DCC: variants seen among roughly 807,000 people sequenced by gnomAD.
DCC encodes the protein netrin receptor DCC.
Under a neutral mutation model 172.5 loss-of-function variants are expected in DCC, and 58 were observed. The ratio of observed to expected loss-of-function variants is 0.34; its 90% CI spans 0.27 to 0.42. DCC has a LOEUF of 0.42. Among genes scored for constraint, DCC ranks in the 10% least tolerant of loss-of-function variants. DCC has a pLI of 1.00. For synonymous variants in DCC, 709 were observed against 644.5 expected (o/e 1.10, Z -1.52); for missense variants, 1,740 against 1,791.0 (o/e 0.97, Z 0.51).
At chr18:52,694,940 A>C (rs1447699790) in intron 1 of DCC, among the ~76,000 whole-genome samples, 3 of 152,206 alleles carry the variant, frequency 2.0e-5, no homozygotes, top group Non-Finnish European at 4.4e-5. Flanking sequence ...TAGAGCAGAT[A>C]AAGGATGCTC....
intron 9 of DCC, among the ~76,000 whole-genome samples, chr18:53,191,406 G>A (rs9304439): frequency 0.55 from 84,277 of 151,974 alleles, 24,741 homozygotes; most frequent in African/African-American, 0.71. Flanking sequence ...AATATGTTTT[G>A]TATTTTCTTT....
At chr18:52,712,571 A>G (rs2036311159) in intron 1 of DCC, among the ~76,000 whole-genome samples, 1 of 152,204 alleles carries the variant, frequency 6.6e-6, no homozygotes, top group African/African-American at 2.4e-5. Context: ...ATTCCATGCA[A>G]GAATCTTGAA....
chr18:53,067,952 G>C lies in DCC; in HGVS notation c.1261+1786G>C, dbSNP rs140732580. The stretch of plus-strand genomic sequence containing the variant: ...GCCAGTTAGCTGAAGATTCACAGCA[G>C]TGCTCACAAAGATGACTTTCTCCTA... On this transcript the variant is annotated intron_variant, in intron 7 of 28. Coordinates refer to ENST00000442544, the MANE Select transcript of DCC (RefSeq NM_005215.4). Among the ~76,000 whole-genome samples the C allele has an allele frequency of 4.6e-5, 7 of 152,284 alleles. No individual in the cohort carries two copies. The East Asian group carries it at 7.7e-4, about 17-fold the overall frequency.
chr18:52,446,889 C>G (rs186600097), intron 1 of DCC, among the ~76,000 whole-genome samples: 1 of 152,168 alleles, frequency 6.6e-6, no homozygotes, highest in Non-Finnish European at 1.5e-5. Context: ...ATATTACATT[C>G]GGCATAATGC....
At chr18:53,148,774 G>GACGACGTAC (rs1387061394) in intron 7 of DCC, among the ~76,000 whole-genome samples, 2 of 151,690 alleles carry the variant, frequency 1.3e-5, no homozygotes, top group Non-Finnish European at 2.9e-5. Flanking sequence ...ATGTACAAGT[G>GACGACGTAC]ACGACGTACT....
chr18:53,298,010 A>T (rs1393838367), intron 12 of DCC, among the ~76,000 whole-genome samples: 1 of 152,196 alleles, frequency 6.6e-6, no homozygotes, highest in Non-Finnish European at 1.5e-5. Context: ...ATAACTGATT[A>T]TATTAATTAA....
intron 1 of DCC, among the ~76,000 whole-genome samples, chr18:52,580,902 C>G (rs2033528849): frequency 6.6e-6 from 1 of 152,198 alleles, no homozygotes; most frequent in South Asian, 2.1e-4. Context: ...GATTAGCTAT[C>G]AGTAGTCTTT....
In DCC at chr18:52,814,980, A is replaced by G. The variant is rs1246791308; in HGVS notation, c.412+62606A>G. The stretch of plus-strand genomic sequence containing the variant: ...ATGGGTCATTCAAATGTGGTGACTC[A>G]TTATAAATGGATGGAGAGAAATCAA... On this transcript the variant is annotated intron_variant, in intron 2 of 28. Coordinates refer to ENST00000442544, the MANE Select transcript of DCC (RefSeq NM_005215.4). Among the ~76,000 whole-genome samples the G allele has an allele frequency of 2.0e-5, 3 of 152,320 alleles. No homozygotes were observed. The East Asian group carries it at 5.8e-4, about 29-fold the overall frequency.
intron 1 of DCC, among the ~76,000 whole-genome samples, chr18:52,439,557 T>C (rs531518539): frequency 6.6e-6 from 1 of 152,206 alleles, no homozygotes; most frequent in Non-Finnish European, 1.5e-5. Flanking sequence ...TATGAAAGGA[T>C]TGAGGTTGTG....
chr18:53,243,138 T>C (rs1261783083), intron 12 of DCC, among the ~76,000 whole-genome samples: 1 of 152,176 alleles, frequency 6.6e-6, no homozygotes, highest in African/African-American at 2.4e-5. Context: ...TATTTTGGTT[T>C]ATGTGGCATA....
At chr18:53,340,972 C>T (rs1009161999) in intron 15 of DCC, among the ~76,000 whole-genome samples, 3 of 152,168 alleles carry the variant, frequency 2.0e-5, no homozygotes, top group Admixed American at 1.3e-4. Context: ...GAAAATTGCA[C>T]TGACCCATTC....
chr18:52,969,391 G>A (rs1242320248), intron 5 of DCC, among the ~76,000 whole-genome samples: 3 of 152,084 alleles, frequency 2.0e-5, no homozygotes, highest in African/African-American at 7.2e-5. Context: ...AATTACCGAA[G>A]TAGAAACCTG....
At chr18:52,369,134 G>T (rs1288100873) in intron 1 of DCC, among the ~76,000 whole-genome samples, 1 of 152,154 alleles carries the variant, frequency 6.6e-6, no homozygotes, top group East Asian at 1.9e-4. Context: ...AATGAATTTG[G>T]TGGTATCGAT....
At chr18:53,128,714 G>A (rs1008916550) in intron 7 of DCC, among the ~76,000 whole-genome samples, 7 of 151,410 alleles carry the variant, frequency 4.6e-5, no homozygotes, top group African/African-American at 1.7e-4. Flanking sequence ...GAGGAAGGAG[G>A]CAAAGGAAAA....
intron 7 of DCC, among the ~76,000 whole-genome samples, chr18:53,084,792 G>A (rs1192829361): frequency 2.0e-5 from 3 of 152,176 alleles, no homozygotes; most frequent in Non-Finnish European, 2.9e-5. Context: ...AAGACACTGA[G>A]TTTGCAGTGA....
intron 2 of DCC, among the ~76,000 whole-genome samples, chr18:52,833,440 T>C (rs1159240638): frequency 1.3e-5 from 2 of 152,086 alleles, no homozygotes; most frequent in Non-Finnish European, 2.9e-5. Context: ...CTGTGATAAA[T>C]AGCAAGCACA....
At chr18:52,379,480 A>G (rs1598876273) in intron 1 of DCC, among the ~76,000 whole-genome samples, 2 of 152,148 alleles carry the variant, frequency 1.3e-5, no homozygotes, top group East Asian at 3.8e-4. Context: ...TCTGTTGTTC[A>G]ACACTCTCCT....
chr18:53,092,864 C>A (rs1174076116), intron 7 of DCC, among the ~76,000 whole-genome samples: 1 of 151,728 alleles, frequency 6.6e-6, no homozygotes, highest in Non-Finnish European at 1.5e-5. Context: ...AATTTCTATT[C>A]AAACATGTAC....
chr18:52,373,723 C>G (rs1012662426), intron 1 of DCC, among the ~76,000 whole-genome samples: 5 of 152,028 alleles, frequency 3.3e-5, no homozygotes, highest in African/African-American at 1.2e-4. Context: ...GAATAATGCC[C>G]TCAGTCAATG....
Sources: gnomAD v4.1 joint callset for allele counts (sites outside exome capture counted in the v4.1 genomes callset) on GRCh38, gnomAD v4.1.1 for gene constraint, MANE v1.5 for transcripts, NCBI Gene and HGNC (gene_info 2026-07-23, HGNC 2026-07-21) for gene names.